The following ENPP2 variants were observed in gnomAD, a reference collection of about 807,000 sequenced individuals.
ENPP2 encodes autotaxin.
A neutral mutation model predicts 120.2 loss-of-function variants in ENPP2; 51 were observed. The ratio of observed to expected loss-of-function variants is 0.42; its 90% CI spans 0.34 to 0.54. The LOEUF (loss-of-function observed/expected upper bound fraction) is 0.54. ENPP2 is among the 20% of genes least tolerant of loss of function. The pLI is 0.04. For missense variants in ENPP2, 920 were observed against 1,066.5 expected (o/e 0.86, Z 1.91); for synonymous variants, 365 against 366.4 (o/e 1.00, Z 0.04).
intron 1 of ENPP2, among the ~76,000 whole-genome samples, chr8:119,657,340 T>A (rs1563776977): frequency 6.6e-6 from 1 of 152,196 alleles, no homozygotes; most frequent in Non-Finnish European, 1.5e-5. Flanking sequence ...TCGTTCAAAG[T>A]CCATGATTTT....
intron 3 of ENPP2, among the ~76,000 whole-genome samples, chr8:119,624,730 T>C (rs1357819343): frequency 2.0e-5 from 3 of 152,140 alleles, no homozygotes; most frequent in Non-Finnish European, 2.9e-5. Flanking sequence ...TTCGCACACA[T>C]GCATATATAT....
At chr8:119,581,902 T>C (rs185714558) in intron 18 of ENPP2, among the ~76,000 whole-genome samples, 425 of 152,112 alleles carry the variant, frequency 2.8e-3, no homozygotes, top group Non-Finnish European at 4.6e-3. Flanking sequence ...GGCTAATTTT[T>C]TTGTGTTTTT....
At chr8:119,655,518 T>C (rs1438047506) in intron 1 of ENPP2, among the ~76,000 whole-genome samples, 1 of 152,242 alleles carries the variant, frequency 6.6e-6, no homozygotes, top group Non-Finnish European at 1.5e-5. Flanking sequence ...AGGAACCCTC[T>C]CTGGACCTTC....
At chr8:119,665,990 A>C (rs148908858) in intron 1 of ENPP2, among the ~76,000 whole-genome samples, 8 of 152,350 alleles carry the variant, frequency 5.3e-5, no homozygotes, top group Admixed American at 4.6e-4. Flanking sequence ...AGGCAGCTAC[A>C]TCTAGAATAC....
At chr8:119,665,434 A>G (rs1329049840) in intron 1 of ENPP2, among the ~76,000 whole-genome samples, 3 of 152,136 alleles carry the variant, frequency 2.0e-5, no homozygotes, top group Non-Finnish European at 4.4e-5. Context: ...ACACCAAAAC[A>G]CTAGGCAGTG....
intron 24 of ENPP2, among the ~76,000 whole-genome samples, chr8:119,559,788 A>G (rs1813769082): frequency 6.6e-6 from 1 of 152,218 alleles, no homozygotes; most frequent in Non-Finnish European, 1.5e-5. Context: ...CTCATTATGG[A>G]CATTGATTCT....
chr8:119,651,913 C>T (rs1005422377), intron 1 of ENPP2, among the ~76,000 whole-genome samples: 10 of 152,108 alleles, frequency 6.6e-5, no homozygotes, highest in Non-Finnish European at 5.9e-5. Context: ...GCAGTATTAG[C>T]TAATGCTTAT....
chr8:119,573,407 T>TAAAAAAAAAAAAAAAAAAAAAAAAAAA lies in ENPP2; in HGVS notation c.1781-2567_1781-2566insTTTTTTTTTTTTTTTTTTTTTTTTTTT, dbSNP rs1563680979. On this transcript the variant is annotated intron_variant, in intron 19 of 24. Transcript: ENST00000075322. ...AGGTGACAGAGCGAGGCTCCGTCTC[T>TAAAAAAAAAAAAAAAAAAAAAAAAAAA]TAAAAAAAAAAAAAAAAAAGATTCA... 5.0e-4 allele frequency among the ~76,000 whole-genome samples: 36 copies of TAAAAAAAAAAAAAAAAAAAAAAAAAAA among 71,516 alleles called. 1 individual carries two copies. The highest frequency in any genetic ancestry group is 2.4e-3 in the African/African-American group (34 of 14,050). 46.9% of individuals were successfully genotyped at this position (71,516 alleles called of 152,430 possible).
intron 11 of ENPP2, chr8:119,595,851 TC>T (rs1330552800): frequency 3.1e-6 from 5 of 1,613,834 alleles, no homozygotes; most frequent in Non-Finnish European, 4.2e-6. Context: ...ACTTACTTTG[TC>T]CTGACGAGTT....
chr8:119,602,457 CAAAA>C (rs57298494), intron 9 of ENPP2, among the ~76,000 whole-genome samples: 123 of 122,950 alleles, frequency 1.0e-3, no homozygotes, highest in Middle Eastern at 4.2e-3. Flanking sequence ...AACTCTGTCT[CAAAA>C]AAAAAAAAAA....
At chr8:119,610,749 A>G (rs1259124606) in intron 8 of ENPP2, among the ~76,000 whole-genome samples, 2 of 152,050 alleles carry the variant, frequency 1.3e-5, no homozygotes, top group Non-Finnish European at 2.9e-5. Flanking sequence ...TAAAGATACA[A>G]AAAACCAGCC....
At position 119,557,381 on chromosome 8, in the gene ENPP2, C is replaced by T; in HGVS notation, c.*140G>A. On this transcript the variant is annotated 3_prime_UTR_variant, in exon 25 of 25. Coordinates refer to ENST00000075322, the MANE Select transcript of ENPP2 (RefSeq NM_001040092.3). ...AAGCATTAGAGAAAAACAGTGGAGT[C>T]ATTCAGGCATAATATGTCAGATTTG... The T allele has an allele frequency of 3.1e-6, 2 of 642,278 alleles. No individual in the cohort carries two copies. Among genetic ancestry groups the T allele is most frequent in the Non-Finnish European group, 5.1e-6 (2 of 390,280 alleles). 39.8% of individuals were successfully genotyped at this position (642,278 alleles called of 1,614,324 possible). A position where few individuals can be genotyped will look rare whatever the true frequency, so the allele number is the denominator to read the frequency against.
Position 119,558,994 on chromosome 8 carries a change from G to T in ENPP2, c.2422-1303C>A, listed in dbSNP as rs540019680. Among the ~76,000 whole-genome samples the T allele has an allele frequency of 2.4e-4, 37 of 152,296 alleles. No individual in the cohort carries two copies. The Middle Eastern group carries it at 0.01, about 42-fold the overall frequency. ...GCTAAATATGTTCGGGAGGGTGTTG[G>T]TTCAGGAAACTGATGCCTGGCCATC... On this transcript the variant is annotated intron_variant, in intron 24 of 24. Coordinates refer to ENST00000075322, the MANE Select transcript of ENPP2 (RefSeq NM_001040092.3).
chr8:119,648,661 G>C (rs1175117624), intron 1 of ENPP2, among the ~76,000 whole-genome samples: 1 of 152,216 alleles, frequency 6.6e-6, no homozygotes, highest in Non-Finnish European at 1.5e-5. Context: ...TGCCATTTCT[G>C]TGATTCCCCT....
intron 9 of ENPP2, among the ~76,000 whole-genome samples, chr8:119,605,210 T>C (rs1018354180): frequency 2.6e-5 from 4 of 152,064 alleles, no homozygotes; most frequent in Non-Finnish European, 4.4e-5. Context: ...TAGCTGGGAC[T>C]ATAGGCACGT....
Position 119,638,477 on chromosome 8 carries a change from G to T in ENPP2, c.84C>A (p.Phe28Leu). 1 of 1,611,044 alleles carries T rather than the reference G, an allele frequency of 6.2e-7. No individual in the cohort carries two copies. The change falls in exon 2 of 25, where the codon TTC (phenylalanine) becomes TTA (leucine). Residue 28 changes from phenylalanine (F) to leucine (L), a missense_variant. By Grantham distance (22) the Phe-to-Leu change is conservative (BLOSUM62 0). Coordinates refer to ENST00000075322, the MANE Select transcript of ENPP2 (RefSeq NM_001040092.3). ...CTGCTCTCTTAATTCGATGTGCAGT[G>T]AATCCTAAGCAGATATTGACTCCAA... ...FAVGVNICLG[F>L]TAHRIKRAEG...
intron 9 of ENPP2, 72 bp downstream of exon 9, chr8:119,607,850 C>T: frequency 1.1e-6 from 1 of 934,210 alleles, no homozygotes; most frequent in South Asian, 1.5e-5. Context: ...CAAAATAAAA[C>T]TTAAATTGAT....
At chr8:119,582,239 G>A (rs1411247751) in intron 18 of ENPP2, among the ~76,000 whole-genome samples, 179 bp downstream of exon 18, 1 of 152,098 alleles carries the variant, frequency 6.6e-6, no homozygotes. Context: ...AGCCACATAG[G>A]GCTCTTTAAT....
intron 8 of ENPP2, 32 bp from the exon 9 acceptor site, chr8:119,608,009 T>A (rs1308270847): frequency 2.6e-6 from 4 of 1,522,848 alleles, no homozygotes; most frequent in African/African-American, 1.4e-5. Flanking sequence ...GCTTAAAATG[T>A]GTTCTGTGTT....
Sources: allele counts gnomAD v4.1 joint callset (sites outside exome capture counted in the v4.1 genomes callset), GRCh38; gene constraint gnomAD v4.1.1; transcripts MANE v1.5; gene names NCBI Gene and HGNC (gene_info 2026-07-23, HGNC 2026-07-21).